The following MCL1 variants were observed in gnomAD, a reference collection of about 807,000 sequenced individuals.
The protein encoded by MCL1 is induced myeloid leukemia cell differentiation protein Mcl-1.
MCL1 carries 4 observed loss-of-function variants against 24.2 expected under a neutral mutation model. The observed-to-expected ratio is 0.17, with a 90% confidence interval of 0.08 to 0.38. The LOEUF (loss-of-function observed/expected upper bound fraction) is 0.38, where lower values mean the gene tolerates loss of function less well. Ranked by LOEUF, MCL1 falls within the 10% of genes least tolerant of loss-of-function variation. MCL1 has a pLI of 1.00. For missense variants in MCL1, 529 were observed against 480.3 expected, an observed-to-expected ratio of 1.10 and a Z score of -0.95; for synonymous variants, 248 against 214.0, an observed-to-expected ratio of 1.16 and a Z score of -1.39.
chr1:150,577,744 C>A (rs1647874062), intron 2 of MCL1, among the ~76,000 whole-genome samples: 1 of 152,190 alleles, frequency 6.6e-6, no homozygotes, highest in African/African-American at 2.4e-5. Context: ...AAAAGGACTT[C>A]CAGAGTTCCC....
In MCL1 at chr1:150,578,256, T is replaced by C. The variant is rs1393566860; in HGVS notation, c.924A>G (p.Lys308=). ...LVRTKRDWLV[K]QRGWDGFVEF... is the part of the protein sequence containing the mutation. ...AAGGCAAACTTACCCAGCCTCTTTG[T>C]TTAACTAGCCAGTCCCGTTTTGTCC... Residue 308 remains lysine, a synonymous_variant, in exon 2 of 3, where the codon AAA becomes AAG. Transcript: ENST00000369026. The C allele has an allele frequency of 1.2e-6, 2 of 1,613,414 alleles. No individual in the cohort carries two copies. The highest frequency in any genetic ancestry group is 1.3e-5 in the African/African-American group (1 of 74,836).
At position 150,579,310 on chromosome 1, in the gene MCL1, C is replaced by A; in HGVS notation, c.221G>T (p.Arg74Leu). 6.7e-7 allele frequency: 1 copy of A among 1,482,252 alleles called. No homozygotes were observed. The highest frequency in any genetic ancestry group is 8.9e-7 in the Non-Finnish European group (1 of 1,123,100). The allele number at this position is 1,482,252 out of a possible 1,614,324, so 91.8% of individuals were successfully genotyped here. The change falls in exon 1 of 3, where the codon CGG becomes CTG. Residue 74 changes from arginine (R) to leucine (L), a missense_variant. Physicochemically the swap from Arg to Leu is moderately radical, Grantham distance 102. Coordinates refer to ENST00000369026, the MANE Select transcript of MCL1 (RefSeq NM_021960.5). Reference sequence around the variant, plus strand: ...AATGGGCGGCGGCCGCGCGACCCTCCGGGAGTCTGGCGTGAGGGTGGACGG... The same window carrying A: ...AATGGGCGGCGGCCGCGCGACCCTCAGGGAGTCTGGCGTGAGGGTGGACGG... ...SPPSTLTPDS[R>L]RVARPPPIGA...
rs587631294 is a variant in MCL1 at position 150,574,750 on chromosome 1, G to C, written c.*2625C>G. Reference sequence around the variant, plus strand: ...TACATGAAACACTAGAGGACTGCATGTTTTTCCCTGAGAGAAGCGTAAGAC... The same window carrying C: ...TACATGAAACACTAGAGGACTGCATCTTTTTCCCTGAGAGAAGCGTAAGAC... On this transcript the variant is annotated 3_prime_UTR_variant, in exon 3 of 3. Coordinates refer to ENST00000369026, the MANE Select transcript of MCL1 (RefSeq NM_021960.5). 2 of 233,032 alleles carry C rather than the reference G, an allele frequency of 8.6e-6. No individual in the cohort carries two copies. Among genetic ancestry groups the C allele is most frequent in the African/African-American group, 2.2e-5 (1 of 45,308 alleles). The allele number at this position is 233,032 out of a possible 1,614,324, so 14.4% of individuals were successfully genotyped here.
Position 150,578,437 on chromosome 1 carries a change from C to A in MCL1, c.743G>T (p.Arg248Leu), listed in dbSNP as rs1294528481. ...KNEDDVKSLS[R>L]VMIHVFSDGV... ...GTCGCTGAAAACATGGATCATCACT[C>A]GAGACAACGATTTCACATCGTCTTC... is the stretch of plus-strand genomic sequence containing the variant. The change falls in exon 2 of 3, where the codon CGA becomes CTA. Residue 248 changes from arginine (R) to leucine (L), a missense_variant. Arg to Leu is a moderately radical substitution (Grantham distance 102). Coordinates refer to ENST00000369026, the MANE Select transcript of MCL1 (RefSeq NM_021960.5). 1 of 1,614,188 alleles carries A rather than the reference C, an allele frequency of 6.2e-7. No homozygotes were observed. Among genetic ancestry groups the A allele is most frequent in the East Asian group, 2.2e-5 (1 of 44,886 alleles).
In MCL1 at chr1:150,575,908, T is replaced by C. The variant is rs1647778813; in HGVS notation, c.*1467A>G. 4.3e-6 allele frequency: 1 copy of C among 233,716 alleles called. No individual in the cohort carries two copies. 14.5% of individuals were successfully genotyped at this position (233,716 alleles called of 1,614,324 possible). On this transcript the variant is annotated 3_prime_UTR_variant, in exon 3 of 3. Transcript: ENST00000369026. Reference sequence around the variant, plus strand: ...AGTCTGATAGAACAAACATCAAGACTGAAATCCAAAGATGCCAATGCAAAA... The same window carrying C: ...AGTCTGATAGAACAAACATCAAGACCGAAATCCAAAGATGCCAATGCAAAA...
chr1:150,579,608 A>G lies in MCL1; in HGVS notation c.-78T>C. ...TTACTGGAAGGAAGCGGAAGTGAGAAGTGGCGAGCAGCTCCTTTATCACGG... is the reference window on the plus strand; with the variant it reads ...TTACTGGAAGGAAGCGGAAGTGAGAGGTGGCGAGCAGCTCCTTTATCACGG... On this transcript the variant is annotated 5_prime_UTR_variant, in exon 1 of 3. Coordinates refer to ENST00000369026, the MANE Select transcript of MCL1 (RefSeq NM_021960.5). 7.1e-7 allele frequency: 1 copy of G among 1,415,748 alleles called. No individual in the cohort carries two copies. Among genetic ancestry groups the G allele is most frequent in the Non-Finnish European group, 9.6e-7 (1 of 1,037,564 alleles). 87.7% of individuals were successfully genotyped at this position (1,415,748 alleles called of 1,614,324 possible). A position where few individuals can be genotyped will look rare whatever the true frequency, so the allele number is the denominator to read the frequency against.
chr1:150,575,093 G>A lies in MCL1; in HGVS notation c.*2282C>T, dbSNP rs927656022. ...TTGTTTCCACTGGATTTGGCAGACA[G>A]GCTTTTTTAGTTACCGTAACCAGAT... On this transcript the variant is annotated 3_prime_UTR_variant, in exon 3 of 3. Coordinates refer to ENST00000369026, the MANE Select transcript of MCL1 (RefSeq NM_021960.5). The A allele has an allele frequency of 1.1e-4, 25 of 233,258 alleles. No homozygotes were observed. The highest frequency in any genetic ancestry group is 2.1e-4 in the Non-Finnish European group (25 of 117,920). The allele number at this position is 233,258 out of a possible 1,614,324, so 14.4% of individuals were successfully genotyped here.
At position 150,575,979 on chromosome 1, in the gene MCL1, G is replaced by GT. The variant is rs1462759628; in HGVS notation, c.*1395dup. ...ATCATTAATAGAAACAAAACAGTAA[G>GT]TATTTGCTTTATTGACATACTAGGC... On this transcript the variant is annotated 3_prime_UTR_variant, in exon 3 of 3. Coordinates refer to ENST00000369026, the MANE Select transcript of MCL1 (RefSeq NM_021960.5). The GT allele has an allele frequency of 1.7e-5, 4 of 233,560 alleles. No individual in the cohort carries two copies. The highest frequency in any genetic ancestry group is 3.4e-5 in the Non-Finnish European group (4 of 118,068). 14.5% of individuals were successfully genotyped at this position (233,560 alleles called of 1,614,324 possible). A position where few individuals can be genotyped will look rare whatever the true frequency, so the allele number is the denominator to read the frequency against.
chr1:150,577,195 A>T lies in MCL1; in HGVS notation c.*180T>A. 1.4e-6 allele frequency: 1 copy of T among 696,602 alleles called. No homozygotes were observed. Among genetic ancestry groups the T allele is most frequent in the Non-Finnish European group, 2.3e-6 (1 of 434,084 alleles). The allele number at this position is 696,602 out of a possible 1,614,324, so 43.2% of individuals were successfully genotyped here. On this transcript the variant is annotated 3_prime_UTR_variant, in exon 3 of 3. Coordinates refer to ENST00000369026, the MANE Select transcript of MCL1 (RefSeq NM_021960.5). ...CTTTCAGACAGTGACTCTTCAATCA[A>T]TGGGGAGCACTCTTCCCATGTATTT...
In MCL1 at chr1:150,576,662, C is replaced by A. The variant is rs1352924962; in HGVS notation, c.*713G>T. ...ACTTCCTTCGTTTCAAAGAAATAGACTTTCTGTAAAAATATATACAATTTT... is the reference window on the plus strand; with the variant it reads ...ACTTCCTTCGTTTCAAAGAAATAGAATTTCTGTAAAAATATATACAATTTT... On this transcript the variant is annotated 3_prime_UTR_variant, in exon 3 of 3. Transcript: ENST00000369026. 2 of 232,196 alleles carry A rather than the reference C, an allele frequency of 8.6e-6. No homozygotes were observed. Among genetic ancestry groups the A allele is most frequent in the Admixed American group, 5.6e-5 (1 of 17,740 alleles). 14.4% of individuals were successfully genotyped at this position (232,196 alleles called of 1,614,324 possible).
intron 2 of MCL1, among the ~76,000 whole-genome samples, chr1:150,577,991 G>A (rs1180021595): frequency 1.3e-5 from 2 of 152,108 alleles, no homozygotes; most frequent in African/African-American, 4.8e-5. Flanking sequence ...TGAATCCACT[G>A]AAGAGTATTC....
In MCL1 at chr1:150,577,285, AG is replaced by A. The variant is rs1408719924; in HGVS notation, c.*89del. Reference sequence around the variant, plus strand: ...GGCTAGGTTGCTAGGGTGCAACTCTAGGAAGTTACAGCTTGGAGTCCAACTG... The same window carrying A: ...GGCTAGGTTGCTAGGGTGCAACTCTAGAAGTTACAGCTTGGAGTCCAACTG... On this transcript the variant is annotated 3_prime_UTR_variant, in exon 3 of 3. Coordinates refer to ENST00000369026, the MANE Select transcript of MCL1 (RefSeq NM_021960.5). 2.6e-6 allele frequency: 4 copies of A among 1,531,264 alleles called. No homozygotes were observed. The highest frequency in any genetic ancestry group is 1.3e-5 in the South Asian group (1 of 79,188). 94.9% of individuals were successfully genotyped at this position (1,531,264 alleles called of 1,614,324 possible).
chr1:150,577,583 T>G, intron 2 of MCL1, 92 bp from the exon 3 acceptor site: 1 of 1,355,612 alleles, frequency 7.4e-7, no homozygotes, highest in Non-Finnish European at 9.9e-7. Flanking sequence ...TTAAAATATC[T>G]AAGGTTTCCC....
intron 1 of MCL1, 51 bp downstream of exon 1, chr1:150,578,792 G>A: frequency 6.4e-7 from 1 of 1,562,322 alleles, no homozygotes; most frequent in South Asian, 1.2e-5. Flanking sequence ...TGAGTCCGGG[G>A]AGAGATGGAA....
Position 150,576,086 on chromosome 1 carries a change from A to C in MCL1, c.*1289T>G, listed in dbSNP as rs763951743. The C allele has an allele frequency of 7.3e-5, 17 of 233,524 alleles. 1 individual carries two copies. Among genetic ancestry groups the C allele is most frequent in the Admixed American group, 4.5e-4 (8 of 17,774 alleles). 14.5% of individuals were successfully genotyped at this position (233,524 alleles called of 1,614,324 possible). On this transcript the variant is annotated 3_prime_UTR_variant, in exon 3 of 3. Transcript: ENST00000369026. ...TGCTTTTCCAAGCCATCATTTTATA[A>C]TTTATTAAGCAAACAAGGGATCAAA... is the stretch of plus-strand genomic sequence containing the variant.
chr1:150,578,594 G>C, intron 1 of MCL1, 103 bp from the exon 2 acceptor site: 3 of 1,430,728 alleles, frequency 2.1e-6, no homozygotes, highest in South Asian at 1.3e-5. Context: ...GGGATTTACA[G>C]AACTCAGGTT....
chr1:150,577,034 G>T lies in MCL1; in HGVS notation c.*341C>A, dbSNP rs1570980590. On this transcript the variant is annotated 3_prime_UTR_variant, in exon 3 of 3. Coordinates refer to ENST00000369026, the MANE Select transcript of MCL1 (RefSeq NM_021960.5). ...CGGCGGGTAATCAATTCTATGACTT[G>T]CCTGGCTACTGGCCACTTTCCTGTT... The T allele has an allele frequency of 3.4e-6, 1 of 295,968 alleles. No homozygotes were observed. 18.3% of individuals were successfully genotyped at this position (295,968 alleles called of 1,614,324 possible).
rs1469295328 is a variant in MCL1 at position 150,579,581 on chromosome 1, C to A, written c.-51G>T. On this transcript the variant is annotated 5_prime_UTR_variant, in exon 1 of 3. Coordinates refer to ENST00000369026, the MANE Select transcript of MCL1 (RefSeq NM_021960.5). The stretch of plus-strand genomic sequence containing the variant: ...GAGAAAACTGGGGAAGACCCCGACT[C>A]CTTACTGGAAGGAAGCGGAAGTGAG... 28 of 1,543,610 alleles carry A rather than the reference C, an allele frequency of 1.8e-5. No homozygotes were observed. The highest frequency in any genetic ancestry group is 2.4e-5 in the Non-Finnish European group (27 of 1,141,002).
chr1:150,579,558 GA>G lies in MCL1; in HGVS notation c.-29del. 1.9e-6 allele frequency: 3 copies of G among 1,579,580 alleles called. No homozygotes were observed. Among genetic ancestry groups the G allele is most frequent in the African/African-American group, 2.8e-5 (2 of 71,982 alleles). On this transcript the variant is annotated 5_prime_UTR_variant, in exon 1 of 3. Coordinates refer to ENST00000369026, the MANE Select transcript of MCL1 (RefSeq NM_021960.5). The stretch of plus-strand genomic sequence containing the variant: ...CCAGTCGCCGCCGCCGCCTGGCTGA[GA>G]AAACTGGGGAAGACCCCGACTCCTT...
Sources: gnomAD v4.1 joint callset for allele counts (sites outside exome capture counted in the v4.1 genomes callset) on GRCh38, gnomAD v4.1.1 for gene constraint, MANE v1.5 for transcripts, NCBI Gene and HGNC (gene_info 2026-07-23, HGNC 2026-07-21) for gene names.